Variants in CARF observed in about 807,000 individuals in gnomAD.
The protein encoded by CARF is calcium-responsive transcription factor.
Under a neutral mutation model 82.0 loss-of-function variants are expected in CARF, and 57 were observed. The observed-to-expected ratio is 0.70, with a 90% confidence interval of 0.56 to 0.87. The LOEUF is 0.87. CARF is among the 40% of genes least tolerant of loss of function. The pLI is 0.00. For synonymous variants in CARF, 268 were observed against 290.1 expected, an observed-to-expected ratio of 0.92 and a Z score of 0.77; for missense variants, 771 against 855.8, an observed-to-expected ratio of 0.90 and a Z score of 1.24.
At chr2:202,970,288 C>G (rs951841019) in intron 11 of CARF, among the ~76,000 whole-genome samples, 1 of 152,172 alleles carries the variant, frequency 6.6e-6, no homozygotes, top group Non-Finnish European at 1.5e-5. Flanking sequence ...TTATTCCATA[C>G]TGTATAGCAT....
intron 3 of CARF, among the ~76,000 whole-genome samples, chr2:202,929,674 T>C (rs750884613): frequency 5.3e-5 from 8 of 152,236 alleles, no homozygotes; most frequent in Non-Finnish European, 8.8e-5. Context: ...CAAGGTCTTT[T>C]GTGGTTCCAT....
chr2:202,969,582 TAAA>T (rs1273912210), intron 10 of CARF, among the ~76,000 whole-genome samples: 13 of 660 alleles, frequency 0.02, no homozygotes, highest in African/African-American at 0.045. Flanking sequence ...TCTCAAAAAA[TAAA>T]TAAATAAATA....
At chr2:202,967,852 T>C (rs2105903162) in intron 10 of CARF, among the ~76,000 whole-genome samples, 1 of 152,260 alleles carries the variant, frequency 6.6e-6, no homozygotes, top group South Asian at 2.1e-4. Flanking sequence ...GAGACCAATG[T>C]AGTAAGTTTT....
At chr2:202,920,714 C>A (rs1276570118) in intron 2 of CARF, among the ~76,000 whole-genome samples, 1 of 151,786 alleles carries the variant, frequency 6.6e-6, no homozygotes, top group East Asian at 1.9e-4. Flanking sequence ...GTATTTAAAT[C>A]GTATTCTTGA....
chr2:202,964,280 T>TTGTG (rs1375558618), intron 9 of CARF, among the ~76,000 whole-genome samples: 14 of 152,100 alleles, frequency 9.2e-5, no homozygotes, highest in African/African-American at 3.4e-4. Flanking sequence ...CTTTGTTTGT[T>TTGTG]TGTTTGTTTG....
chr2:202,946,940 CG>C (rs1358151585), intron 5 of CARF, among the ~76,000 whole-genome samples: 3 of 152,156 alleles, frequency 2.0e-5, no homozygotes, highest in Non-Finnish European at 4.4e-5. Context: ...CATCACACGC[CG>C]GTTAGAATGG....
Position 202,949,409 on chromosome 2 carries a change from G to C in CARF, c.307-3150G>C, listed in dbSNP as rs1338030502. ...GCTTAACTGCAGTGGCATGATCATA[G>C]CCTCCAGAGTAGCTAGAACTACAGG... On this transcript the variant is annotated intron_variant, in intron 5 of 16. Coordinates refer to ENST00000438828, the MANE Select transcript of CARF (RefSeq NM_024744.17). Among the ~76,000 whole-genome samples the C allele has an allele frequency of 1.3e-5, 2 of 151,612 alleles. 1 individual carries two copies. The highest frequency in any genetic ancestry group is 2.9e-5 in the Non-Finnish European group (2 of 67,940).
intron 15 of CARF, 95 bp downstream of exon 15, chr2:202,981,780 A>G: frequency 8.9e-7 from 1 of 1,117,732 alleles, no homozygotes; most frequent in Middle Eastern, 2.1e-4. Flanking sequence ...ATTGTTACAG[A>G]ATTATAATAA....
chr2:202,980,342 A>G (rs921113709), intron 14 of CARF, among the ~76,000 whole-genome samples: 2 of 152,062 alleles, frequency 1.3e-5, no homozygotes, highest in African/African-American at 2.4e-5. Context: ...CAAATTCCCT[A>G]CAATTAGTTT....
chr2:202,970,292 A>G (rs1170163751), intron 11 of CARF, among the ~76,000 whole-genome samples: 1 of 152,224 alleles, frequency 6.6e-6, no homozygotes, highest in East Asian at 1.9e-4. Context: ...TCCATACTGT[A>G]TAGCATATAC....
chr2:202,917,967 A>C lies in CARF; in HGVS notation c.-239A>C, dbSNP rs1690039733. On this transcript the variant is annotated 5_prime_UTR_variant, in exon 2 of 17. Coordinates refer to ENST00000438828, the MANE Select transcript of CARF (RefSeq NM_024744.17). ...TAGTGCCCCCAAAAGGAAGAACTTC[A>C]GTGGACAAGAAAGGACATTTCTGGG... 2.3e-6 allele frequency: 1 copy of C among 426,724 alleles called. No individual in the cohort carries two copies. Among genetic ancestry groups the C allele is most frequent in the Non-Finnish European group, 4.6e-6 (1 of 217,164 alleles). The allele number at this position is 426,724 out of a possible 1,614,324, so 26.4% of individuals were successfully genotyped here. A position where few individuals can be genotyped will look rare whatever the true frequency, so the allele number is the denominator to read the frequency against.
At chr2:202,929,867 A>G (rs1017586462) in intron 3 of CARF, among the ~76,000 whole-genome samples, 2 of 151,976 alleles carry the variant, frequency 1.3e-5, no homozygotes, top group Non-Finnish European at 2.9e-5. Context: ...AGCTGGGACT[A>G]TGGATGTGTG....
chr2:202,940,545 C>T (rs961031963), intron 3 of CARF, among the ~76,000 whole-genome samples: 3 of 151,926 alleles, frequency 2.0e-5, no homozygotes, highest in African/African-American at 7.3e-5. Context: ...TTTGATTGAT[C>T]TTAATATGAA....
At chr2:202,928,706 C>T (rs1486744437) in intron 3 of CARF, among the ~76,000 whole-genome samples, 1 of 151,950 alleles carries the variant, frequency 6.6e-6, no homozygotes, top group Non-Finnish European at 1.5e-5. Flanking sequence ...TTGTATTTAC[C>T]CGATTCTTAG....
rs67693134 is a variant in CARF, at chr2:202,986,868, GTA to G, written c.*3283_*3284del. Reference sequence around the variant, plus strand: ...AAAGAGGTTTAAAAAATGTCTGTGCGTATATATATATATATATATATATATAT... The same window carrying G: ...AAAGAGGTTTAAAAAATGTCTGTGCGTATATATATATATATATATATATAT... On this transcript the variant is annotated 3_prime_UTR_variant, in exon 17 of 17. Coordinates refer to ENST00000438828, the MANE Select transcript of CARF (RefSeq NM_024744.17). The G allele has an allele frequency of 0.028, 840 of 29,580 alleles. 29 individuals carry two copies. The highest frequency in any genetic ancestry group is 0.055 in the African/African-American group (718 of 12,964). The allele number at this position is 29,580 out of a possible 1,614,324, so 1.8% of individuals were successfully genotyped here.
At chr2:202,949,451 C>T (rs949943524) in intron 5 of CARF, among the ~76,000 whole-genome samples, 1 of 151,598 alleles carries the variant, frequency 6.6e-6, no homozygotes, top group Non-Finnish European at 1.5e-5. Flanking sequence ...CCACTGCCAT[C>T]AGCCAAATGG....
At chr2:202,961,693 T>G (rs1357740908) in intron 9 of CARF, 4 of 462,366 alleles carry the variant, frequency 8.7e-6, no homozygotes, top group Non-Finnish European at 1.5e-5. Context: ...TTAAACCTAT[T>G]TAATAAAATG....
chr2:202,912,493 C>T lies in CARF; in HGVS notation c.-939C>T, dbSNP rs1374750592. 3 of 147,550 alleles carry T rather than the reference C, an allele frequency of 2.0e-5. No individual in the cohort carries two copies. Among genetic ancestry groups the T allele is most frequent in the African/African-American group, 5.0e-5 (2 of 40,364 alleles). The allele number at this position is 147,550 out of a possible 1,614,324, so 9.1% of individuals were successfully genotyped here. ...CAACCCCCCGTCTTCCTCCTGCCTCCTCCTCCTCCCGTCACCTCCTGACCC... is the reference window on the plus strand; with the variant it reads ...CAACCCCCCGTCTTCCTCCTGCCTCTTCCTCCTCCCGTCACCTCCTGACCC... On this transcript the variant is annotated 5_prime_UTR_variant, in exon 1 of 17. Coordinates refer to ENST00000438828, the MANE Select transcript of CARF (RefSeq NM_024744.17).
At chr2:202,966,262 G>T (rs1361172948) in intron 9 of CARF, among the ~76,000 whole-genome samples, 3 of 152,126 alleles carry the variant, frequency 2.0e-5, no homozygotes, top group Non-Finnish European at 4.4e-5. Context: ...ATGCTAGAAG[G>T]CATGGATTAC....
Sources: gnomAD v4.1 joint callset for allele counts (sites outside exome capture counted in the v4.1 genomes callset) on GRCh38, gnomAD v4.1.1 for gene constraint, MANE v1.5 for transcripts, NCBI Gene and HGNC (gene_info 2026-07-23, HGNC 2026-07-21) for gene names.